The following RAB38 variants were observed in gnomAD, a reference collection of about 807,000 sequenced individuals.
RAB38 encodes RAB38, member RAS oncogene family, also known as ras-related protein Rab-38.
RAB38 carries 15 observed loss-of-function variants against 18.4 expected under a neutral mutation model. The observed-to-expected ratio is 0.82, with a 90% CI of 0.55 to 1.26. RAB38 has a LOEUF of 1.26. Among genes scored for constraint, RAB38 ranks in the 50% most tolerant of loss-of-function variants. The pLI, the probability that RAB38 is intolerant of heterozygous loss-of-function variation, is 0.00. For synonymous variants in RAB38, 101 were observed against 104.4 expected (o/e 0.97, Z 0.20); for missense variants, 294 against 267.4 (o/e 1.10, Z -0.69).
At chr11:87,887,752 T>G in the RAB38 span, among the ~76,000 whole-genome samples, 4 of 151,924 alleles carry the variant, frequency 2.6e-5, no homozygotes, top group Non-Finnish European at 5.9e-5. Context: ...AAAGGCAAAT[T>G]CATGAATAAT....
the RAB38 span, among the ~76,000 whole-genome samples, chr11:87,935,229 C>T: frequency 6.6e-6 from 1 of 152,194 alleles, no homozygotes; most frequent in East Asian, 1.9e-4. Context: ...TGAAAATCCT[C>T]TTTGGCCTTA....
the RAB38 span, among the ~76,000 whole-genome samples, chr11:88,091,740 G>C: frequency 6.6e-6 from 1 of 151,942 alleles, no homozygotes; most frequent in Non-Finnish European, 1.5e-5. Context: ...GCCTGGGAGG[G>C]TTCTTGGCTT....
the RAB38 span, among the ~76,000 whole-genome samples, chr11:88,009,805 A>T: frequency 1.3e-5 from 2 of 152,214 alleles, no homozygotes; most frequent in Middle Eastern, 3.4e-3. Flanking sequence ...ATAATAGAGC[A>T]TTTTGTCTGT....
the RAB38 span, among the ~76,000 whole-genome samples, chr11:88,037,122 T>C: frequency 6.6e-6 from 1 of 152,088 alleles, no homozygotes; most frequent in African/African-American, 2.4e-5. Context: ...CAGGTAGTTG[T>C]TTGAATTCTT....
chr11:88,036,626 A>G, the RAB38 span, among the ~76,000 whole-genome samples: 3 of 152,036 alleles, frequency 2.0e-5, no homozygotes, highest in South Asian at 2.1e-4. Context: ...ATTTTCTCAG[A>G]TTAAGTTTTT....
At chr11:87,884,431 T>C in the RAB38 span, among the ~76,000 whole-genome samples, 2 of 151,932 alleles carry the variant, frequency 1.3e-5, no homozygotes, top group Non-Finnish European at 2.9e-5. Context: ...GGGAAATGCC[T>C]CACCTGGAGC....
chr11:88,087,754 G>A, the RAB38 span, among the ~76,000 whole-genome samples: 2 of 151,886 alleles, frequency 1.3e-5, no homozygotes, highest in Admixed American at 1.3e-4. Context: ...AAACTGTCAT[G>A]GTGCTAATGG....
chr11:88,090,480 T>C, the RAB38 span, among the ~76,000 whole-genome samples: 1 of 151,916 alleles, frequency 6.6e-6, no homozygotes, highest in Non-Finnish European at 1.5e-5. Flanking sequence ...GGTGTAAGTA[T>C]AGGTAGCAAG....
chr11:87,935,264 C>T, the RAB38 span, among the ~76,000 whole-genome samples: 4 of 152,030 alleles, frequency 2.6e-5, no homozygotes, highest in African/African-American at 9.7e-5. Flanking sequence ...TTCCAATATG[C>T]TCCTGATCCT....
chr11:87,808,243 A>AG, the RAB38 span, among the ~76,000 whole-genome samples: 1 of 152,220 alleles, frequency 6.6e-6, no homozygotes, highest in Non-Finnish European at 1.5e-5. Context: ...AATATTGAAG[A>AG]GATATCTAAG....
chr11:87,976,192 A>G, the RAB38 span, among the ~76,000 whole-genome samples: 1 of 147,288 alleles, frequency 6.8e-6, no homozygotes, highest in African/African-American at 2.5e-5. Context: ...AGGTATATTT[A>G]TATATACTCT....
At chr11:87,908,995 T>G in the RAB38 span, among the ~76,000 whole-genome samples, 1 of 152,028 alleles carries the variant, frequency 6.6e-6, no homozygotes, top group Non-Finnish European at 1.5e-5. Flanking sequence ...TTAATATTAT[T>G]GAAGCAGAGG....
intron 2 of RAB38, among the ~76,000 whole-genome samples, chr11:88,134,581 T>C (rs1186392879): frequency 2.6e-5 from 4 of 152,208 alleles, no homozygotes; most frequent in African/African-American, 9.6e-5. Flanking sequence ...CCAAAAACTG[T>C]TGAGACATCC....
the RAB38 span, among the ~76,000 whole-genome samples, chr11:87,935,980 T>C: frequency 0.18 from 26,958 of 152,038 alleles, 2,965 homozygotes; most frequent in African/African-American, 0.31. Context: ...CTTGTGCCCA[T>C]GTTCTAATTG....
intron 2 of RAB38, among the ~76,000 whole-genome samples, chr11:88,122,530 G>A (rs1476924232): frequency 1.3e-5 from 2 of 152,162 alleles, no homozygotes; most frequent in Non-Finnish European, 2.9e-5. Flanking sequence ...TGTAATAATT[G>A]CTAACAATTA....
the RAB38 span, among the ~76,000 whole-genome samples, chr11:88,024,278 G>A: frequency 6.6e-6 from 1 of 152,106 alleles, no homozygotes; most frequent in Non-Finnish European, 1.5e-5. Flanking sequence ...ACAGGGATAT[G>A]AAAAGGTGCT....
At chr11:87,941,842 A>G in the RAB38 span, among the ~76,000 whole-genome samples, 1 of 152,116 alleles carries the variant, frequency 6.6e-6, no homozygotes. Flanking sequence ...GTTTCTCTGT[A>G]GGAATAAAAC....
chr11:88,057,205 A>ATTTTGCTCTT, the RAB38 span, among the ~76,000 whole-genome samples: 3 of 152,160 alleles, frequency 2.0e-5, no homozygotes, highest in Non-Finnish European at 4.4e-5. Flanking sequence ...CTGAGAAATC[A>ATTTTGCTCTT]TTTTGCTCTT....
chr11:87,813,218 G>A, the RAB38 span, among the ~76,000 whole-genome samples: 5 of 152,152 alleles, frequency 3.3e-5, no homozygotes, highest in Non-Finnish European at 5.9e-5. Flanking sequence ...AACCTCACAG[G>A]ATTTATTTCA....
Sources: allele counts gnomAD v4.1 joint callset (sites outside exome capture counted in the v4.1 genomes callset), GRCh38; gene constraint gnomAD v4.1.1; transcripts MANE v1.5; gene names NCBI Gene and HGNC (gene_info 2026-07-23, HGNC 2026-07-21).